The following TMEM117 variants were observed in gnomAD, a reference collection of about 807,000 sequenced individuals.
TMEM117 encodes the protein transmembrane protein 117.
TMEM117 carries 27 observed loss-of-function variants against 52.4 expected under a neutral mutation model. The ratio of observed to expected loss-of-function variants is 0.51; its 90% confidence interval spans 0.38 to 0.71. TMEM117 has a LOEUF of 0.71. TMEM117 is among the 30% of genes least tolerant of loss of function. The probability of loss-of-function intolerance (pLI) is 0.00; values close to 1 mark genes in which losing one functional copy is unlikely to be tolerated. For synonymous variants in TMEM117, 215 were observed against 206.3 expected (o/e 1.04, Z -0.36); for missense variants, 556 against 630.5 (o/e 0.88, Z 1.26).
chr12:43,899,390 A>G (rs1944267058), intron 2 of TMEM117, among the ~76,000 whole-genome samples: 1 of 152,148 alleles, frequency 6.6e-6, no homozygotes, highest in African/African-American at 2.4e-5. Context: ...ATATAAACTT[A>G]TTTTTAGTAT....
chr12:44,229,545 A>ATTGCCCAGG, intron 5 of TMEM117, among the ~76,000 whole-genome samples: 1 of 152,224 alleles, frequency 6.6e-6, no homozygotes, highest in Non-Finnish European at 1.5e-5. Flanking sequence ...GCTTATGTGC[A>ATTGCCCAGG]TTGCCCAGGG....
intron 4 of TMEM117, among the ~76,000 whole-genome samples, chr12:44,152,396 A>G (rs866281962): frequency 1.2e-4 from 13 of 106,414 alleles, no homozygotes; most frequent in Non-Finnish European, 2.1e-4. Flanking sequence ...ATTTATATAT[A>G]ATATTTATAT....
rs1418029072 is a variant in TMEM117 at position 44,237,310 on chromosome 12, C to T, written c.608+25923C>T. Among the ~76,000 whole-genome samples the T allele has an allele frequency of 3.9e-5, 6 of 151,952 alleles. No homozygotes were observed. In the East Asian group the frequency reaches 5.8e-4, roughly 15 times the overall value. On this transcript the variant is annotated intron_variant, in intron 5 of 7. Coordinates refer to ENST00000266534, the MANE Select transcript of TMEM117 (RefSeq NM_032256.3). ...GCTTCTGAAGCCCCCGGACGTTGTT[C>T]GAATAGGTTTTTTTTTTACCTTCAT... is the stretch of plus-strand genomic sequence containing the variant.
chr12:44,125,477 A>G (rs1467785946), intron 3 of TMEM117, among the ~76,000 whole-genome samples: 1 of 152,096 alleles, frequency 6.6e-6, no homozygotes, highest in Non-Finnish European at 1.5e-5. Flanking sequence ...TTTTTTTCCT[A>G]GATTTTCTAG....
intron 3 of TMEM117, among the ~76,000 whole-genome samples, chr12:44,054,858 A>T (rs1417504769): frequency 7.9e-5 from 12 of 151,910 alleles, no homozygotes; most frequent in African/African-American, 2.4e-5. Context: ...CATCATTTAC[A>T]TTAGGTATGT....
At chr12:43,968,679 G>A (rs1048326773) in intron 3 of TMEM117, among the ~76,000 whole-genome samples, 1 of 152,000 alleles carries the variant, frequency 6.6e-6, no homozygotes, top group Non-Finnish European at 1.5e-5. Context: ...TGCTATAGGG[G>A]TAGCTAAAAC....
intron 3 of TMEM117, among the ~76,000 whole-genome samples, chr12:44,052,481 A>C (rs974016123): frequency 3.3e-5 from 5 of 152,118 alleles, no homozygotes; most frequent in Non-Finnish European, 7.4e-5. Flanking sequence ...CACTCCAGGC[A>C]GTTGTGGGTG....
At chr12:44,046,149 A>G (rs1361810609) in intron 3 of TMEM117, among the ~76,000 whole-genome samples, 1 of 152,198 alleles carries the variant, frequency 6.6e-6, no homozygotes, top group Non-Finnish European at 1.5e-5. Flanking sequence ...CTGTCACCCC[A>G]GTGATCCACT....
intron 5 of TMEM117, among the ~76,000 whole-genome samples, chr12:44,298,903 A>G (rs910602742): frequency 6.6e-6 from 1 of 150,712 alleles, no homozygotes; most frequent in Non-Finnish European, 1.5e-5. Flanking sequence ...ATGGAATCCA[A>G]AGATTTCCTC....
intron 3 of TMEM117, among the ~76,000 whole-genome samples, chr12:43,953,568 T>C (rs1021242888): frequency 1.3e-5 from 2 of 152,130 alleles, no homozygotes; most frequent in Non-Finnish European, 2.9e-5. Context: ...CATTACATAA[T>C]GTTAAAAGGT....
chr12:44,030,291 TTGTTCAATTTACC>T (rs1946612517), intron 3 of TMEM117, among the ~76,000 whole-genome samples: 1 of 152,206 alleles, frequency 6.6e-6, no homozygotes, highest in Non-Finnish European at 1.5e-5. Context: ...CTTTTGAAAA[TTGTTCAATTTACC>T]TACCTTGGAG....
intron 2 of TMEM117, among the ~76,000 whole-genome samples, chr12:43,846,358 A>T (rs1300683362): frequency 1.3e-5 from 2 of 151,576 alleles, no homozygotes; most frequent in Non-Finnish European, 3.0e-5. Flanking sequence ...TCTCTCTATA[A>T]TATCTGCTTT....
chr12:44,311,781 ATATATGTATATATATGTATATATG>A (rs1950982791), intron 6 of TMEM117, among the ~76,000 whole-genome samples: 2 of 21,132 alleles, frequency 9.5e-5, no homozygotes, highest in Admixed American at 6.6e-4. Context: ...ATATATGTGT[ATATATGTATATATATGTATATATG>A]TATATATGTA....
chr12:44,317,866 C>G (rs1234947744), intron 6 of TMEM117, among the ~76,000 whole-genome samples: 2 of 152,192 alleles, frequency 1.3e-5, no homozygotes, highest in African/African-American at 4.8e-5. Flanking sequence ...GCTCCCTACT[C>G]ACCACCACAT....
intron 3 of TMEM117, among the ~76,000 whole-genome samples, chr12:43,964,115 C>T (rs924510988): frequency 2.0e-5 from 3 of 152,076 alleles, no homozygotes; most frequent in South Asian, 2.1e-4. Flanking sequence ...TACTGCTTGT[C>T]GCTGTCTCTC....
chr12:43,803,800 A>C, the TMEM117 span, among the ~76,000 whole-genome samples: 1 of 152,116 alleles, frequency 6.6e-6, no homozygotes, highest in African/African-American at 2.4e-5. Context: ...ATTTACTTCC[A>C]GTTTGTGAAA....
chr12:44,117,281 T>C (rs181348566), intron 3 of TMEM117, among the ~76,000 whole-genome samples: 2 of 152,344 alleles, frequency 1.3e-5, no homozygotes, highest in Non-Finnish European at 2.9e-5. Flanking sequence ...TACTGACTCA[T>C]CTTTTAAATG....
chr12:43,887,590 A>G (rs1944019437), intron 2 of TMEM117, among the ~76,000 whole-genome samples: 1 of 152,222 alleles, frequency 6.6e-6, no homozygotes, highest in African/African-American at 2.4e-5. Flanking sequence ...ATTTGATCTC[A>G]GGACAGGTGC....
intron 2 of TMEM117, among the ~76,000 whole-genome samples, chr12:43,867,793 T>A: frequency 6.6e-6 from 1 of 152,120 alleles, no homozygotes; most frequent in East Asian, 1.9e-4. Flanking sequence ...TATCTGATAC[T>A]AAAACTAACA....
Sources: allele counts gnomAD v4.1 joint callset (sites outside exome capture counted in the v4.1 genomes callset), GRCh38; gene constraint gnomAD v4.1.1; transcripts MANE v1.5; gene names NCBI Gene and HGNC (gene_info 2026-07-23, HGNC 2026-07-21).